The following SPDYE18 variants were observed in gnomAD, a reference collection of about 807,000 sequenced individuals.
SPDYE18 encodes speedy protein E18.
Under a neutral mutation model 44.9 loss-of-function variants are expected in SPDYE18, and 6 were observed. That is an observed-to-expected ratio of 0.13 (90% CI 0.07 to 0.26). The LOEUF (loss-of-function observed/expected upper bound fraction) is 0.26. Among genes scored for constraint, SPDYE18 ranks in the 10% least tolerant of loss-of-function variants. The probability of loss-of-function intolerance (pLI) is 1.00; values close to 1 mark genes in which losing one functional copy is unlikely to be tolerated. For missense variants in SPDYE18, 121 were observed against 463.2 expected, an observed-to-expected ratio of 0.26 and a Z score of 6.78; for synonymous variants, 35 against 177.1, an observed-to-expected ratio of 0.20 and a Z score of 6.37.
rs1168594124 is a variant in SPDYE18 at position 77,056,084 on chromosome 7, C to CAAA, written c.669+463_669+465dup. 6.9e-4 allele frequency among the ~76,000 whole-genome samples: 68 copies of CAAA among 98,210 alleles called. No individual in the cohort carries two copies. In the East Asian group the frequency reaches 0.021, roughly 30 times the overall value. 64.4% of individuals were successfully genotyped at this position (98,210 alleles called of 152,430 possible). A position where few individuals can be genotyped will look rare whatever the true frequency, so the allele number is the denominator to read the frequency against. On this transcript the variant is annotated intron_variant, in intron 5 of 8. Coordinates refer to ENST00000510091, the MANE Select transcript of SPDYE18 (RefSeq NM_001394953.1). ...GGGAGCAGAGCTAGACTCTGTCTCA[C>CAAA]AAAAAAAAAATGTGTGGGTGCCAAG...
chr7:77,058,475 C>CCTGACTT (rs1789964841), intron 3 of SPDYE18, among the ~76,000 whole-genome samples: 1 of 124,268 alleles, frequency 8.0e-6, no homozygotes, highest in South Asian at 2.9e-4. Flanking sequence ...CGTGCTCCTT[C>CCTGACTT]CTGACTTCTG....
chr7:77,062,136 A>G (rs945995464), intron 1 of SPDYE18, among the ~76,000 whole-genome samples: 2 of 142,886 alleles, frequency 1.4e-5, no homozygotes, highest in African/African-American at 4.9e-5. Context: ...CTCAAAAAAA[A>G]TAACCTGCGA....
intron 2 of SPDYE18, 117 bp downstream of exon 2, chr7:77,060,236 A>G (rs1402112563): frequency 8.1e-6 from 12 of 1,488,396 alleles, no homozygotes; most frequent in African/African-American, 1.4e-5. Context: ...ACCTCAGGTG[A>G]TTCGCCCGCC....
At chr7:77,059,601 C>T (rs566233876) in intron 2 of SPDYE18, among the ~76,000 whole-genome samples, 2 of 151,528 alleles carry the variant, frequency 1.3e-5, no homozygotes, top group African/African-American at 4.8e-5. Flanking sequence ...GTCCTCCGAA[C>T]ACTGCTTCAT....
rs1355798096 is a variant in SPDYE18, at chr7:77,053,221, G to A, written c.756-18C>T. ...CCAGGTAGCTGAGGACAGAAATCAG[G>A]TTGGTGCTCAGGGGCACCACCAGGA... On this transcript the variant is annotated intron_variant, in intron 6 of 8. Transcript: ENST00000510091. 3.7e-6 allele frequency: 6 copies of A among 1,612,282 alleles called. No individual in the cohort carries two copies. The Admixed American group carries it at 6.7e-5, about 18-fold the overall frequency.
At chr7:77,052,592 G>A (rs1441987834) in intron 8 of SPDYE18, among the ~76,000 whole-genome samples, 141 bp downstream of exon 8, 1 of 152,254 alleles carries the variant, frequency 6.6e-6, no homozygotes, top group African/African-American at 2.4e-5. Context: ...GTCCCACATC[G>A]CCTGGCTAAT....
intron 2 of SPDYE18, among the ~76,000 whole-genome samples, 176 bp downstream of exon 2, chr7:77,060,177 A>C (rs1459304735): frequency 1.3e-5 from 2 of 150,698 alleles, no homozygotes; most frequent in Non-Finnish European, 3.0e-5. Context: ...TTATACTTTT[A>C]GTAGAGATGG....
At position 77,060,449 on chromosome 7, in the gene SPDYE18, G is replaced by T; in HGVS notation, c.64C>A (p.Arg22Ser). The stretch of plus-strand genomic sequence containing the variant: ...TGCTCATTCTGGGGGTGCGGTTGAC[G>T]GCTGGTCGTGATCTTTCCCGTAATC... Reference protein sequence around the residue: ...GQITGKITTSRQPHPQNEQSL... With the variant: ...GQITGKITTSSQPHPQNEQSL... The change falls in exon 2 of 9, where the codon CGT (arginine) becomes AGT (serine). Residue 22 changes from arginine to serine, a missense_variant. Physicochemically the swap from Arg to Ser is moderately radical, Grantham distance 110 (BLOSUM62 -1). Coordinates refer to ENST00000510091, the MANE Select transcript of SPDYE18 (RefSeq NM_001394953.1). 1 of 1,535,292 alleles carries T rather than the reference G, an allele frequency of 6.5e-7. No homozygotes were observed. Among genetic ancestry groups the T allele is most frequent in the Non-Finnish European group, 8.7e-7 (1 of 1,146,790 alleles).
In SPDYE18 at chr7:77,051,379, A is replaced by G. The variant is rs1269273976; in HGVS notation, c.*546T>C. Among the ~76,000 whole-genome samples, 3 of 152,298 alleles carry G rather than the reference A, an allele frequency of 2.0e-5. No homozygotes were observed. The highest frequency in any genetic ancestry group is 7.2e-5 in the African/African-American group (3 of 41,484). On this transcript the variant is annotated 3_prime_UTR_variant, in exon 9 of 9. Coordinates refer to ENST00000510091, the MANE Select transcript of SPDYE18 (RefSeq NM_001394953.1). ...TACAACAATTTCCAAACTATTTGAAATAAATCTATGAATAATTCAATGGCC... is the reference window on the plus strand; with the variant it reads ...TACAACAATTTCCAAACTATTTGAAGTAAATCTATGAATAATTCAATGGCC...
intron 6 of SPDYE18, among the ~76,000 whole-genome samples, chr7:77,053,778 G>A (rs1210298997): frequency 1.3e-5 from 2 of 151,676 alleles, no homozygotes; most frequent in Non-Finnish European, 1.5e-5. Flanking sequence ...GGCGGAGGTT[G>A]CAGTGAGTCG....
At chr7:77,060,327 A>T in intron 2 of SPDYE18, 26 bp downstream of exon 2, 3 of 1,534,614 alleles carry the variant, frequency 2.0e-6, no homozygotes, top group Non-Finnish European at 1.7e-6. Context: ...ACCCTATCCC[A>T]CCTCTTCTTC....
intron 1 of SPDYE18, among the ~76,000 whole-genome samples, 63 bp from the exon 2 acceptor site, chr7:77,060,996 T>TAAGAGTGAGAGTATCATGTAC (rs1554339699): frequency 3.7e-5 from 4 of 109,384 alleles, no homozygotes; most frequent in East Asian, 3.2e-4. Flanking sequence ...TGAAACCTTA[T>TAAGAGTGAGAGTATCATGTAC]AAGAGTGAGA....
intron 4 of SPDYE18, among the ~76,000 whole-genome samples, chr7:77,057,053 G>A: frequency 6.6e-6 from 1 of 152,262 alleles, no homozygotes; most frequent in Non-Finnish European, 1.5e-5. Context: ...CACTTTCTTT[G>A]TTTATTGATT....
rs867061136 is a variant in SPDYE18, at chr7:77,058,128, T to G, written c.380-261A>C. ...GCTCTCTGAGTCTCTTTTTTTTTTT[T>G]TTTTTTTTTGTTGTTGTTGTTGAGA... On this transcript the variant is annotated intron_variant, in intron 3 of 8. Transcript: ENST00000510091. Among the ~76,000 whole-genome samples the G allele has an allele frequency of 5.1e-4, 67 of 131,670 alleles. 2 individuals carry two copies. The highest frequency in any genetic ancestry group is 1.9e-3 in the African/African-American group (64 of 34,200). 86.4% of individuals were successfully genotyped at this position (131,670 alleles called of 152,430 possible). A position where few individuals can be genotyped will look rare whatever the true frequency, so the allele number is the denominator to read the frequency against.
At chr7:77,061,915 G>A in intron 1 of SPDYE18, among the ~76,000 whole-genome samples, 1 of 83,018 alleles carries the variant, frequency 1.2e-5, no homozygotes, top group African/African-American at 6.4e-5. Flanking sequence ...ATCACTTGAG[G>A]TCAGGAGTTT....
At position 77,050,432 on chromosome 7, in the gene SPDYE18, G is replaced by A. The variant is rs1438847377; in HGVS notation, c.*1493C>T. Among the ~76,000 whole-genome samples, 3 of 152,176 alleles carry A rather than the reference G, an allele frequency of 2.0e-5. No individual in the cohort carries two copies. Among genetic ancestry groups the A allele is most frequent in the Admixed American group, 1.3e-4 (2 of 15,264 alleles). On this transcript the variant is annotated 3_prime_UTR_variant, in exon 9 of 9. Transcript: ENST00000510091. Reference sequence around the variant, plus strand: ...GGTGAGAAAAGTTCATTTTTATTATGTTTCCACAAGAGACGCACTCTATTG... The same window carrying A: ...GGTGAGAAAAGTTCATTTTTATTATATTTCCACAAGAGACGCACTCTATTG...
At chr7:77,058,178 C>T (rs376831137) in intron 3 of SPDYE18, among the ~76,000 whole-genome samples, 4 of 114,496 alleles carry the variant, frequency 3.5e-5, no homozygotes, top group South Asian at 7.3e-4. Flanking sequence ...GTGGCCTAGG[C>T]TGGAGTGTAG....
intron 8 of SPDYE18, among the ~76,000 whole-genome samples, 113 bp from the exon 9 acceptor site, chr7:77,051,992 A>G (rs1251292251): frequency 1.7e-4 from 24 of 143,374 alleles, no homozygotes; most frequent in Admixed American, 7.2e-5. Context: ...ATGCAATTTT[A>G]TCTGCTGCCT....
intron 8 of SPDYE18, among the ~76,000 whole-genome samples, chr7:77,052,273 G>A (rs1222896433): frequency 2.0e-5 from 3 of 151,968 alleles, no homozygotes; most frequent in Admixed American, 6.6e-5. Context: ...CACGAACCAC[G>A]AGTCCAGAAG....
Sources: allele counts gnomAD v4.1 joint callset (sites outside exome capture counted in the v4.1 genomes callset), GRCh38; gene constraint gnomAD v4.1.1; transcripts MANE v1.5; gene names NCBI Gene and HGNC (gene_info 2026-07-23, HGNC 2026-07-21).